Variants in B3GALT1 observed in about 807,000 individuals in gnomAD.
B3GALT1 encodes UDP-Gal:betaGlcNAc beta 1,3-galactosyltransferase, polypeptide 1.
Under a neutral mutation model 23.2 loss-of-function variants are expected in B3GALT1, and 10 were observed. The ratio of observed to expected loss-of-function variants is 0.43; its 90% CI spans 0.27 to 0.73. The LOEUF is 0.73. Ranked by LOEUF, B3GALT1 falls within the 30% of genes least tolerant of loss-of-function variation. The probability of loss-of-function intolerance (pLI) is 0.21; values close to 1 mark genes in which losing one functional copy is unlikely to be tolerated. For synonymous variants in B3GALT1, 156 were observed against 141.5 expected, an observed-to-expected ratio of 1.10 and a Z score of -0.73; for missense variants, 299 against 405.4, an observed-to-expected ratio of 0.74 and a Z score of 2.25.
At chr2:167,419,970 G>A (rs1017140652) in intron 1 of B3GALT1, among the ~76,000 whole-genome samples, 1 of 152,148 alleles carries the variant, frequency 6.6e-6, no homozygotes, top group Non-Finnish European at 1.5e-5. Flanking sequence ...TTTGGAATTT[G>A]TTCTGAGTAT....
At chr2:167,719,169 TAG>T (rs1057058120) in intron 3 of B3GALT1, among the ~76,000 whole-genome samples, 34 of 152,210 alleles carry the variant, frequency 2.2e-4, no homozygotes, top group Non-Finnish European at 4.7e-4. Context: ...CATTTCTATT[TAG>T]AGAGTTTGAA....
chr2:167,628,310 T>A (rs1685380015), intron 2 of B3GALT1, among the ~76,000 whole-genome samples: 1 of 151,588 alleles, frequency 6.6e-6, no homozygotes, highest in African/African-American at 2.4e-5. Flanking sequence ...TCACTTTAAT[T>A]CCATTTAAGG....
At chr2:167,651,638 A>G (rs1685871862) in intron 3 of B3GALT1, among the ~76,000 whole-genome samples, 1 of 152,202 alleles carries the variant, frequency 6.6e-6, no homozygotes, top group Admixed American at 6.6e-5. Flanking sequence ...GACTTTGAGT[A>G]CACAATGTTT....
At chr2:167,813,551 C>T (rs68010813) in intron 3 of B3GALT1, among the ~76,000 whole-genome samples, 1 of 152,232 alleles carries the variant, frequency 6.6e-6, no homozygotes, top group Non-Finnish European at 1.5e-5. Flanking sequence ...GATTGCCTAA[C>T]TAACTGATGT....
chr2:167,317,065 G>C (rs1439004883), intron 1 of B3GALT1, among the ~76,000 whole-genome samples: 1 of 152,006 alleles, frequency 6.6e-6, no homozygotes, highest in East Asian at 1.9e-4. Flanking sequence ...GATTGAGCGG[G>C]GTGGATATCC....
chr2:167,294,220 C>T (rs1032352752), intron 1 of B3GALT1, among the ~76,000 whole-genome samples: 6 of 152,188 alleles, frequency 3.9e-5, no homozygotes, highest in Non-Finnish European at 8.8e-5. Context: ...GGTTGAGACC[C>T]GGCCTGGTGC....
At chr2:167,713,879 G>A in intron 3 of B3GALT1, 5 of 1,587,436 alleles carry the variant, frequency 3.1e-6, no homozygotes, top group Non-Finnish European at 4.3e-6. Flanking sequence ...ACCTCGTGAA[G>A]CTCCAAACAT....
chr2:167,739,528 G>C (rs1403479465), intron 3 of B3GALT1, among the ~76,000 whole-genome samples: 1 of 152,194 alleles, frequency 6.6e-6, no homozygotes, highest in African/African-American at 2.4e-5. Flanking sequence ...AAAGTGACTT[G>C]TGCTGCCTTC....
intron 3 of B3GALT1, among the ~76,000 whole-genome samples, chr2:167,779,348 G>A (rs1457551346): frequency 6.6e-6 from 1 of 152,172 alleles, no homozygotes; most frequent in Non-Finnish European, 1.5e-5. Flanking sequence ...AGAAGGGAAT[G>A]ACAGACTCAC....
chr2:167,394,137 A>C (rs1295144583), intron 1 of B3GALT1, among the ~76,000 whole-genome samples: 1 of 152,194 alleles, frequency 6.6e-6, no homozygotes, highest in Non-Finnish European at 1.5e-5. Flanking sequence ...TATACCTTTT[A>C]ACAATGAAAT....
intron 3 of B3GALT1, among the ~76,000 whole-genome samples, chr2:167,709,763 A>G (rs1055597128): frequency 3.3e-5 from 5 of 152,158 alleles, no homozygotes; most frequent in Non-Finnish European, 5.9e-5. Flanking sequence ...TTCCAAAGAT[A>G]AGAGCCTGAC....
intron 2 of B3GALT1, among the ~76,000 whole-genome samples, chr2:167,558,914 G>A (rs1683907955): frequency 6.6e-6 from 1 of 152,180 alleles, no homozygotes; most frequent in Admixed American, 6.5e-5. Context: ...AGTAACCTCT[G>A]CAGACTTAAA....
intron 3 of B3GALT1, among the ~76,000 whole-genome samples, chr2:167,811,497 AAAG>A (rs1348335282): frequency 2.3e-4 from 35 of 152,318 alleles, no homozygotes; most frequent in African/African-American, 7.5e-4. Context: ...TATGGTGAGA[AAAG>A]AACTTTATGC....
intron 2 of B3GALT1, among the ~76,000 whole-genome samples, chr2:167,612,964 G>T (rs10177694): frequency 0.7 from 105,575 of 151,748 alleles, 38,276 homozygotes; most frequent in Admixed American, 0.82. Context: ...AGTCAATATT[G>T]TGTGTCAAAA....
At chr2:167,351,371 C>T (rs1697305910) in intron 1 of B3GALT1, among the ~76,000 whole-genome samples, 2 of 151,822 alleles carry the variant, frequency 1.3e-5, no homozygotes, top group Non-Finnish European at 2.9e-5. Flanking sequence ...ATCTTTCTTA[C>T]AAGTTCTCCA....
intron 2 of B3GALT1, among the ~76,000 whole-genome samples, chr2:167,551,283 A>G (rs2105380833): frequency 6.6e-6 from 1 of 152,346 alleles, no homozygotes; most frequent in East Asian, 1.9e-4. Context: ...GTAAATAAAA[A>G]GGTGAAGATA....
intron 2 of B3GALT1, among the ~76,000 whole-genome samples, chr2:167,544,566 G>T (rs1683593208): frequency 6.6e-6 from 1 of 152,102 alleles, no homozygotes; most frequent in South Asian, 2.1e-4. Flanking sequence ...CAAAGTGTTG[G>T]GATTACAGGC....
intron 3 of B3GALT1, among the ~76,000 whole-genome samples, chr2:167,656,419 G>A (rs1685956955): frequency 6.6e-6 from 1 of 152,030 alleles, no homozygotes; most frequent in African/African-American, 2.4e-5. Flanking sequence ...GAAATTTTCA[G>A]GACCTTTTTT....
intron 2 of B3GALT1, among the ~76,000 whole-genome samples, chr2:167,521,785 A>G (rs1267053777): frequency 6.6e-6 from 1 of 151,960 alleles, no homozygotes. Flanking sequence ...TGTAATTCCT[A>G]GAACTTGCTT....
Sources: gnomAD v4.1 joint callset for allele counts (sites outside exome capture counted in the v4.1 genomes callset) on GRCh38, gnomAD v4.1.1 for gene constraint, MANE v1.5 for transcripts, NCBI Gene and HGNC (gene_info 2026-07-23, HGNC 2026-07-21) for gene names.